GPC5: variants seen among roughly 807,000 people sequenced by gnomAD.
GPC5 encodes glypican 5.
A neutral mutation model predicts 53.9 loss-of-function variants in GPC5; 47 were observed. The observed-to-expected ratio is 0.87, with a 90% confidence interval of 0.69 to 1.11. GPC5 has a LOEUF of 1.11. Among genes scored for constraint, GPC5 ranks in the 50% most tolerant of loss-of-function variants. The probability of loss-of-function intolerance (pLI) is 0.00; values close to 1 mark genes in which losing one functional copy is unlikely to be tolerated. For missense variants in GPC5, 748 were observed against 713.1 expected, an observed-to-expected ratio of 1.05 and a Z score of -0.56; for synonymous variants, 286 against 263.3, an observed-to-expected ratio of 1.09 and a Z score of -0.84.
intron 7 of GPC5, among the ~76,000 whole-genome samples, chr13:92,716,753 C>T (rs553361215): frequency 6.6e-6 from 1 of 152,198 alleles, no homozygotes; most frequent in South Asian, 2.1e-4. Flanking sequence ...AAAAAATACT[C>T]CAAGATGAAC....
At chr13:92,676,312 A>C (rs1886936899) in intron 7 of GPC5, among the ~76,000 whole-genome samples, 1 of 152,188 alleles carries the variant, frequency 6.6e-6, no homozygotes, top group African/African-American at 2.4e-5. Flanking sequence ...AATTCATAGA[A>C]TATACTACTC....
At chr13:91,709,538 A>G (rs774849491) in intron 3 of GPC5, among the ~76,000 whole-genome samples, 1 of 152,144 alleles carries the variant, frequency 6.6e-6, no homozygotes, top group Admixed American at 6.5e-5. Context: ...AGCTAATGTT[A>G]ATGCTACTCC....
intron 6 of GPC5, among the ~76,000 whole-genome samples, chr13:92,002,247 C>T (rs1280418219): frequency 6.6e-6 from 1 of 152,130 alleles, no homozygotes; most frequent in Non-Finnish European, 1.5e-5. Flanking sequence ...ACAGGGAGAA[C>T]AAAGAGGTTT....
intron 6 of GPC5, among the ~76,000 whole-genome samples, chr13:91,957,033 G>A (rs572462250): frequency 6.6e-6 from 1 of 152,006 alleles, no homozygotes; most frequent in African/African-American, 2.4e-5. Context: ...TATTAAATAA[G>A]CACAGTGAGA....
At chr13:92,340,727 A>G (rs2043359301) in intron 7 of GPC5, 3 of 152,166 alleles carry the variant, frequency 2.0e-5, no homozygotes, top group African/African-American at 7.2e-5. Flanking sequence ...AAACGATTGT[A>G]TTGATTATAA....
At chr13:92,487,294 T>C (rs1370308248) in intron 7 of GPC5, among the ~76,000 whole-genome samples, 1 of 152,164 alleles carries the variant, frequency 6.6e-6, no homozygotes, top group Non-Finnish European at 1.5e-5. Context: ...CAGGAGACTA[T>C]TTGGACAAAT....
At chr13:91,907,862 A>G in intron 5 of GPC5, 75 bp from the exon 6 acceptor site, 2 of 1,499,672 alleles carry the variant, frequency 1.3e-6, no homozygotes, top group Non-Finnish European at 1.8e-6. Flanking sequence ...TCCGACCTCA[A>G]ATATGTTCAG....
chr13:92,036,956 C>T (rs936635015), intron 6 of GPC5, among the ~76,000 whole-genome samples: 2 of 152,166 alleles, frequency 1.3e-5, no homozygotes, highest in African/African-American at 4.8e-5. Flanking sequence ...GAAGTACCTT[C>T]CTACTCCTTC....
intron 7 of GPC5, among the ~76,000 whole-genome samples, chr13:92,359,176 T>C (rs989559011): frequency 5.3e-5 from 8 of 151,762 alleles, no homozygotes; most frequent in African/African-American, 1.9e-4. Flanking sequence ...TTTCTTTTGC[T>C]AGATATCCTA....
intron 3 of GPC5, among the ~76,000 whole-genome samples, chr13:91,716,520 C>A (rs9560842): frequency 6.6e-6 from 1 of 152,240 alleles, no homozygotes; most frequent in East Asian, 1.9e-4. Context: ...ATGTTTATTG[C>A]CATCTGCATT....
At chr13:91,938,620 T>C (rs912261622) in intron 6 of GPC5, among the ~76,000 whole-genome samples, 4 of 152,174 alleles carry the variant, frequency 2.6e-5, no homozygotes, top group African/African-American at 9.7e-5. Context: ...AAGAGCATCC[T>C]GTACCCAGAA....
intron 7 of GPC5, among the ~76,000 whole-genome samples, chr13:92,514,143 C>A (rs891023222): frequency 7.3e-6 from 1 of 137,172 alleles, no homozygotes; most frequent in South Asian, 2.8e-4. Flanking sequence ...CCTGCCCCCC[C>A]GCCCCCGCCC....
chr13:92,094,204 C>A (rs2041402698), intron 6 of GPC5, among the ~76,000 whole-genome samples: 1 of 150,880 alleles, frequency 6.6e-6, no homozygotes, highest in South Asian at 2.1e-4. Flanking sequence ...CACTGATTAT[C>A]CTAAAGTTGT....
chr13:92,732,461 C>G lies in GPC5; in HGVS notation c.1562-133821C>G, dbSNP rs192536957. Among the ~76,000 whole-genome samples the G allele has an allele frequency of 2.3e-3, 354 of 151,440 alleles. 3 individuals are homozygous for G. The highest frequency in any genetic ancestry group is 7.9e-3 in the African/African-American group (326 of 41,434). Reference sequence around the variant, plus strand: ...ATTAGGGTTAGCCACTAAATTGTATCCAATATGTTTAATTGTATGCATTGA... The same window carrying G: ...ATTAGGGTTAGCCACTAAATTGTATGCAATATGTTTAATTGTATGCATTGA... On this transcript the variant is annotated intron_variant, in intron 7 of 7. Coordinates refer to ENST00000377067, the MANE Select transcript of GPC5 (RefSeq NM_004466.6).
intron 7 of GPC5, among the ~76,000 whole-genome samples, chr13:92,548,373 A>G (rs185982144): frequency 2.6e-5 from 4 of 151,554 alleles, no homozygotes; most frequent in African/African-American, 9.6e-5. Context: ...CAATACCTGT[A>G]TATTAAAAAT....
intron 7 of GPC5, among the ~76,000 whole-genome samples, chr13:92,236,292 A>G (rs1347780490): frequency 6.6e-6 from 1 of 152,102 alleles, no homozygotes; most frequent in Non-Finnish European, 1.5e-5. Context: ...ACTTGTACCT[A>G]CAAATTTAGT....
intron 6 of GPC5, among the ~76,000 whole-genome samples, chr13:91,957,766 A>G (rs953761484): frequency 4.6e-5 from 7 of 152,094 alleles, no homozygotes; most frequent in African/African-American, 1.7e-4. Flanking sequence ...TTTCACCACT[A>G]GACTAGCCCT....
At chr13:92,405,329 A>G (rs1263700982) in intron 7 of GPC5, among the ~76,000 whole-genome samples, 1 of 152,196 alleles carries the variant, frequency 6.6e-6, no homozygotes, top group Non-Finnish European at 1.5e-5. Flanking sequence ...GGAGGAAACT[A>G]GAGTACATGT....
At chr13:92,507,312 T>C (rs563810018) in intron 7 of GPC5, among the ~76,000 whole-genome samples, 1 of 152,350 alleles carries the variant, frequency 6.6e-6, no homozygotes, top group East Asian at 1.9e-4. Context: ...TTTACTTTTT[T>C]CTCTTGCCAG....
Sources: allele counts gnomAD v4.1 joint callset (sites outside exome capture counted in the v4.1 genomes callset), GRCh38; gene constraint gnomAD v4.1.1; transcripts MANE v1.5; gene names NCBI Gene and HGNC (gene_info 2026-07-23, HGNC 2026-07-21).